Variants in ASTN2 observed in about 807,000 individuals in gnomAD.
ASTN2 encodes astrotactin-2.
In ASTN2, 54 loss-of-function variants were observed where a neutral mutation model predicts 139.8. That is an observed-to-expected ratio of 0.39 (90% CI 0.31 to 0.48). ASTN2 has a LOEUF of 0.48. ASTN2 is among the 20% of genes least tolerant of loss of function. The pLI is 0.95. For synonymous variants in ASTN2, 756 were observed against 719.5 expected (o/e 1.05, Z -0.81); for missense variants, 1,565 against 1,725.1 (o/e 0.91, Z 1.64).
intron 13 of ASTN2, among the ~76,000 whole-genome samples, chr9:116,767,402 G>T (rs769925233): frequency 6.6e-6 from 1 of 152,194 alleles, no homozygotes; most frequent in African/African-American, 2.4e-5. Flanking sequence ...CCAGAGACAG[G>T]CTTGGCGGAT....
At chr9:116,767,605 A>G (rs539537723) in intron 13 of ASTN2, among the ~76,000 whole-genome samples, 324 of 152,298 alleles carry the variant, frequency 2.1e-3, no homozygotes, top group African/African-American at 7.5e-3. Flanking sequence ...GACGGAGACT[A>G]CAGGCCTTCT....
In ASTN2 at chr9:117,243,606, G is replaced by A. The variant is rs562022752; in HGVS notation, c.631-28864C>T. Among the ~76,000 whole-genome samples, 8 of 152,308 alleles carry A rather than the reference G, an allele frequency of 5.3e-5. No homozygotes were observed. In the South Asian group the frequency reaches 1.5e-3, roughly 28 times the overall value. On this transcript the variant is annotated intron_variant, in intron 2 of 22. Transcript: ENST00000313400. Reference sequence around the variant, plus strand: ...CTCATAACTATCCTACAAGGTCAGTGTGACTACTACCATCATAACGTCACT... The same window carrying A: ...CTCATAACTATCCTACAAGGTCAGTATGACTACTACCATCATAACGTCACT...
At chr9:116,870,634 AC>A (rs1259603997) in intron 10 of ASTN2, among the ~76,000 whole-genome samples, 1 of 152,114 alleles carries the variant, frequency 6.6e-6, no homozygotes, top group Non-Finnish European at 1.5e-5. Flanking sequence ...AGATAGCCAG[AC>A]CCCACCAGAC....
chr9:116,743,555 A>C (rs1246212723), intron 13 of ASTN2, among the ~76,000 whole-genome samples: 1 of 150,444 alleles, frequency 6.6e-6, no homozygotes, highest in East Asian at 2.1e-4. Context: ...TCTGTCGCCC[A>C]GGCTGGAGTG....
chr9:117,401,361 G>A (rs1327372173), intron 1 of ASTN2, among the ~76,000 whole-genome samples: 3 of 152,252 alleles, frequency 2.0e-5, no homozygotes, highest in East Asian at 1.9e-4. Flanking sequence ...GGTGTATAAG[G>A]GTGCTACTTT....
intron 4 of ASTN2, among the ~76,000 whole-genome samples, chr9:117,129,453 C>A (rs982871758): frequency 6.6e-6 from 1 of 152,030 alleles, no homozygotes; most frequent in Non-Finnish European, 1.5e-5. Flanking sequence ...ATGGCCAAAG[C>A]CAGAAAATTG....
chr9:117,372,585 G>A (rs141969886), intron 1 of ASTN2, among the ~76,000 whole-genome samples: 29 of 152,126 alleles, frequency 1.9e-4, no homozygotes, highest in East Asian at 1.2e-3. Flanking sequence ...ATAACAGTAC[G>A]TAATTCAAAA....
At chr9:117,307,047 G>T (rs1835018415) in intron 1 of ASTN2, among the ~76,000 whole-genome samples, 1 of 152,130 alleles carries the variant, frequency 6.6e-6, no homozygotes, top group African/African-American at 2.4e-5. Flanking sequence ...ATTCAATCAG[G>T]CTAAATGGAT....
chr9:117,365,314 A>AG (rs1251687962), intron 1 of ASTN2, among the ~76,000 whole-genome samples: 5 of 137,722 alleles, frequency 3.6e-5, no homozygotes, highest in Admixed American at 2.8e-4. Flanking sequence ...AAAGAAAGAA[A>AG]AAGAAAGAAA....
At chr9:117,125,927 C>A (rs2132824764) in intron 4 of ASTN2, among the ~76,000 whole-genome samples, 1 of 152,126 alleles carries the variant, frequency 6.6e-6, no homozygotes, top group East Asian at 1.9e-4. Context: ...CATCATTTAA[C>A]CTTAATGTTT....
At chr9:116,624,924 C>G (rs1856365572) in intron 17 of ASTN2, among the ~76,000 whole-genome samples, 3 of 152,030 alleles carry the variant, frequency 2.0e-5, no homozygotes, top group Admixed American at 2.0e-4. Context: ...AACACAGTAT[C>G]TAGCATTTAA....
intron 20 of ASTN2, among the ~76,000 whole-genome samples, chr9:116,448,669 T>A (rs1198810200): frequency 1.3e-5 from 2 of 152,330 alleles, no homozygotes; most frequent in East Asian, 3.9e-4. Flanking sequence ...ATTCTACCAT[T>A]GAGCCTCAGT....
At chr9:116,617,695 TG>T (rs1412473252) in intron 19 of ASTN2, among the ~76,000 whole-genome samples, 2 of 152,218 alleles carry the variant, frequency 1.3e-5, no homozygotes, top group African/African-American at 4.8e-5. Context: ...GTTTTCTAGC[TG>T]GAAAATAATT....
intron 6 of ASTN2, among the ~76,000 whole-genome samples, chr9:117,016,659 C>CGGTTA: frequency 8.4e-5 from 1 of 11,970 alleles, no homozygotes. Flanking sequence ...TATATATAAC[C>CGGTTA]TATATATATG....
chr9:116,589,102 A>G (rs2131728717), intron 19 of ASTN2, among the ~76,000 whole-genome samples: 2 of 152,336 alleles, frequency 1.3e-5, no homozygotes, highest in Non-Finnish European at 2.9e-5. Flanking sequence ...ATTATTTATC[A>G]TCAAACATTT....
At position 117,180,548 on chromosome 9, in the gene ASTN2, T is replaced by C. The variant is rs546539662; in HGVS notation, c.1015+33810A>G. On this transcript the variant is annotated intron_variant, in intron 3 of 22. Coordinates refer to ENST00000313400, the MANE Select transcript of ASTN2 (RefSeq NM_001365068.1). ...CCTGGAATATTTGTTCATATCCATA[T>C]TTCAGCACACTCACAGCAATCATTT... The C allele has an allele frequency of 2.0e-5, 14 of 686,380 alleles. No homozygotes were observed. In the African/African-American group the frequency reaches 2.2e-4, roughly 11 times the overall value. The allele number at this position is 686,380 out of a possible 1,614,324, so 42.5% of individuals were successfully genotyped here.
chr9:116,735,167 T>A (rs925237155), intron 13 of ASTN2, among the ~76,000 whole-genome samples: 1 of 152,034 alleles, frequency 6.6e-6, no homozygotes, highest in Non-Finnish European at 1.5e-5. Flanking sequence ...TGCATGATGG[T>A]GAGTTTTAAG....
chr9:117,377,015 G>C (rs1220002347), intron 1 of ASTN2, among the ~76,000 whole-genome samples: 2 of 152,146 alleles, frequency 1.3e-5, no homozygotes, highest in African/African-American at 4.8e-5. Flanking sequence ...GACAAACGAA[G>C]GAAGGCAGGT....
At chr9:116,691,008 C>T (rs1010902695) in intron 16 of ASTN2, among the ~76,000 whole-genome samples, 1 of 152,128 alleles carries the variant, frequency 6.6e-6, no homozygotes, top group Non-Finnish European at 1.5e-5. Context: ...CAGCCTCAAC[C>T]TCCTAGGCTC....
Sources: allele counts gnomAD v4.1 joint callset (sites outside exome capture counted in the v4.1 genomes callset), GRCh38; gene constraint gnomAD v4.1.1; transcripts MANE v1.5; gene names NCBI Gene and HGNC (gene_info 2026-07-23, HGNC 2026-07-21).